Variants in CCNH observed in about 807,000 individuals in gnomAD.
The protein encoded by CCNH is cyclin-H.
Under a neutral mutation model 41.9 loss-of-function variants are expected in CCNH, and 31 were observed. The observed-to-expected ratio is 0.74, with a 90% CI of 0.56 to 1.00. The LOEUF (loss-of-function observed/expected upper bound fraction) is 1.00, where lower values mean the gene tolerates loss of function less well. Among genes scored for constraint, CCNH ranks in the 50% least tolerant of loss-of-function variants. CCNH has a pLI of 0.00. For missense variants in CCNH, 362 were observed against 388.4 expected (o/e 0.93, Z 0.57); for synonymous variants, 138 against 136.1 (o/e 1.01, Z -0.10).
the CCNH span, among the ~76,000 whole-genome samples, chr5:87,312,422 T>A: frequency 2.6e-5 from 4 of 152,366 alleles, no homozygotes; most frequent in South Asian, 8.3e-4. Flanking sequence ...TATTAACAGT[T>A]ACTCCATTAT....
intron 9 of CCNH, among the ~76,000 whole-genome samples, chr5:87,351,243 ATC>A (rs1372964549): frequency 2.6e-5 from 4 of 151,686 alleles, no homozygotes; most frequent in African/African-American, 9.7e-5. Context: ...TTATCGACTT[ATC>A]TACTTTGTGA....
At chr5:87,390,920 GT>G (rs756583658), downstream of CCNH, 13 of 1,546,510 alleles carry the variant, frequency 8.4e-6, no homozygotes, top group Non-Finnish European at 1.1e-5. Flanking sequence ...GATTCAGCAT[GT>G]CCAACATGGT....
At chr5:87,332,430 TA>T in intron 9 of CCNH, 1 of 1,403,088 alleles carries the variant, frequency 7.1e-7, no homozygotes, top group Non-Finnish European at 1.0e-6. Flanking sequence ...TATGGATTTA[TA>T]ATTTCTTTAT....
downstream of CCNH, among the ~76,000 whole-genome samples, chr5:87,373,219 T>C (rs539842288): frequency 1.3e-5 from 2 of 152,252 alleles, no homozygotes; most frequent in East Asian, 3.9e-4. Flanking sequence ...TCATGGGTTC[T>C]GCATCAGTGG....
At chr5:87,369,406 G>C (rs1760763705) in intron 9 of CCNH, among the ~76,000 whole-genome samples, 1 of 152,052 alleles carries the variant, frequency 6.6e-6, no homozygotes. Flanking sequence ...TGAAAATACA[G>C]AATCACCTAC....
At chr5:87,375,000 A>G, downstream of CCNH, 2 of 1,491,514 alleles carry the variant, frequency 1.3e-6, no homozygotes, top group Non-Finnish European at 1.8e-6. Context: ...TTAAAATAGA[A>G]ATTAAAAAAA....
intron 9 of CCNH, among the ~76,000 whole-genome samples, chr5:87,326,404 T>C (rs1037487570): frequency 6.6e-5 from 10 of 152,174 alleles, no homozygotes; most frequent in African/African-American, 2.4e-4. Context: ...GTAAATTGAT[T>C]TGTATTTCTA....
intron 9 of CCNH, among the ~76,000 whole-genome samples, chr5:87,350,432 A>G (rs1360798421): frequency 6.6e-6 from 1 of 151,842 alleles, no homozygotes; most frequent in Non-Finnish European, 1.5e-5. Flanking sequence ...TGCACTGAAA[A>G]TATATCATCT....
At chr5:87,352,408 A>G (rs559258191) in intron 9 of CCNH, among the ~76,000 whole-genome samples, 1 of 151,802 alleles carries the variant, frequency 6.6e-6, no homozygotes, top group Non-Finnish European at 1.5e-5. Context: ...CCATTTGTCC[A>G]GTATATTAAA....
At chr5:87,380,403 A>G (rs1761626523), upstream of CCNH, 6 of 1,031,018 alleles carry the variant, frequency 5.8e-6, no homozygotes, top group Non-Finnish European at 7.7e-6. Context: ...GTAAAAGGCC[A>G]GTTTTATTGA....
intron 9 of CCNH, among the ~76,000 whole-genome samples, chr5:87,334,647 A>G (rs1345183607): frequency 6.6e-6 from 1 of 152,228 alleles, no homozygotes; most frequent in Non-Finnish European, 1.5e-5. Flanking sequence ...CTTAATAGAA[A>G]TCAAGGCTGT....
intron 4 of CCNH, among the ~76,000 whole-genome samples, chr5:87,406,534 G>A (rs1042618285): frequency 6.6e-6 from 1 of 151,992 alleles, no homozygotes; most frequent in Admixed American, 6.6e-5. Context: ...AAATCTGAAA[G>A]TTTCTGAGCA....
chr5:87,358,718 C>T (rs567985444), intron 9 of CCNH, among the ~76,000 whole-genome samples: 1 of 152,338 alleles, frequency 6.6e-6, no homozygotes, highest in African/African-American at 2.4e-5. Flanking sequence ...CAAGACCCAA[C>T]AGTGGCAGTC....
At chr5:87,314,136 G>A (rs577004254), downstream of CCNH, among the ~76,000 whole-genome samples, 635 of 152,214 alleles carry the variant, frequency 4.2e-3, 2 homozygotes, top group African/African-American at 0.014. Context: ...TCATGCCATT[G>A]CACTCCAGCC....
At chr5:87,313,292 T>TGGA in the CCNH span, among the ~76,000 whole-genome samples, 1 of 152,142 alleles carries the variant, frequency 6.6e-6, no homozygotes, top group African/African-American at 2.4e-5. Context: ...TGGCTCTCCC[T>TGGA]GGAGGTATAG....
At chr5:87,411,369 C>G in intron 1 of CCNH, 23 bp from the exon 2 acceptor site, 1 of 1,583,884 alleles carries the variant, frequency 6.3e-7, no homozygotes. Context: ...AATTACAACA[C>G]AAGTTCAATG....
At chr5:87,330,948 C>T (rs1023703683) in intron 9 of CCNH, 5 of 1,429,364 alleles carry the variant, frequency 3.5e-6, no homozygotes, top group Non-Finnish European at 4.6e-6. Flanking sequence ...GTTCCATGTG[C>T]CTTGTGAAGT....
rs542156549 is a variant in CCNH at position 87,383,869 on chromosome 5, T to G, written c.*90+8901A>C. The G allele has an allele frequency of 2.7e-5, 32 of 1,184,686 alleles. 1 individual carries two copies. The South Asian group carries it at 4.0e-4, about 15-fold the overall frequency. The allele number at this position is 1,184,686 out of a possible 1,614,324, so 73.4% of individuals were successfully genotyped here. A position where few individuals can be genotyped will look rare whatever the true frequency, so the allele number is the denominator to read the frequency against. ...AGAATACTCTTAAATCTTTTTTTTT[T>G]TTTTGATCATCCAATTCTAGTCATG... On this transcript the variant is annotated intron_variant and NMD_transcript_variant, in intron 9 of 9. Coordinates refer to the CCNH transcript ENST00000645953.
upstream of CCNH, chr5:87,380,388 T>C (rs924710371): frequency 2.2e-6 from 2 of 902,946 alleles, no homozygotes; most frequent in African/African-American, 3.3e-5. Context: ...AAAATACTTT[T>C]TTGGGTAAAA....
Sources: allele counts gnomAD v4.1 joint callset (sites outside exome capture counted in the v4.1 genomes callset), GRCh38; gene constraint gnomAD v4.1.1; transcripts MANE v1.5; gene names NCBI Gene and HGNC (gene_info 2026-07-23, HGNC 2026-07-21).